Variants in SLC22A3 observed in about 807,000 individuals in gnomAD.
SLC22A3 encodes the protein EMT organic cation transporter 3.
SLC22A3 carries 51 observed loss-of-function variants against 59.1 expected under a neutral mutation model. The ratio of observed to expected loss-of-function variants is 0.86; its 90% CI spans 0.69 to 1.09. SLC22A3 has a LOEUF of 1.09. SLC22A3 is among the 50% of genes least tolerant of loss of function. The probability of loss-of-function intolerance (pLI) is 0.00; values close to 1 mark genes in which losing one functional copy is unlikely to be tolerated. For synonymous variants in SLC22A3, 325 were observed against 292.0 expected (o/e 1.11, Z -1.15); for missense variants, 711 against 726.3 (o/e 0.98, Z 0.24).
chr6:160,354,354 T>A (rs145592243), intron 1 of SLC22A3, among the ~76,000 whole-genome samples: 37 of 152,318 alleles, frequency 2.4e-4, no homozygotes, highest in Non-Finnish European at 3.4e-4. Flanking sequence ...TGACATATGC[T>A]TGCAAAGTGC....
At chr6:160,412,611 G>C (rs780169737) in intron 5 of SLC22A3, among the ~76,000 whole-genome samples, 2 of 152,170 alleles carry the variant, frequency 1.3e-5, no homozygotes, top group Non-Finnish European at 2.9e-5. Flanking sequence ...AAACCACTAT[G>C]ATTAGTCCAT....
At position 160,451,026 on chromosome 6, in the gene SLC22A3, G is replaced by GA. The variant is rs766429452; in HGVS notation, c.1645dup (p.Thr549AsnfsTer51). The GA allele has an allele frequency of 6.4e-5, 102 of 1,595,432 alleles. No individual in the cohort carries two copies. Among genetic ancestry groups the GA allele is most frequent in the Non-Finnish European group, 8.3e-5 (97 of 1,169,288 alleles). ...ATTCCTGTAAATGTGGCAGGAATAA[G>GA]AAAACCCCAGTTTCCCGCTCTCACC... On this transcript the variant is annotated frameshift_variant, in exon 11 of 11. Transcript: ENST00000275300. LOFTEE classifies it high-confidence loss of function.
intron 2 of SLC22A3, 126 bp from the exon 3 acceptor site, chr6:160,406,915 C>A (rs1158072200): frequency 8.6e-7 from 1 of 1,159,338 alleles, no homozygotes; most frequent in African/African-American, 1.6e-5. Context: ...TACAAAACAT[C>A]TTTAAAATAA....
At chr6:160,355,089 A>G (rs1784784821) in intron 1 of SLC22A3, among the ~76,000 whole-genome samples, 1 of 152,258 alleles carries the variant, frequency 6.6e-6, no homozygotes, top group Non-Finnish European at 1.5e-5. Flanking sequence ...TCATCTGCAC[A>G]GGAATATGGG....
intron 5 of SLC22A3, among the ~76,000 whole-genome samples, chr6:160,423,554 A>T (rs143222657): frequency 6.6e-6 from 1 of 152,102 alleles, no homozygotes; most frequent in Non-Finnish European, 1.5e-5. Flanking sequence ...GTATCTCATT[A>T]TGGTTTTGAT....
chr6:160,451,670 C>T lies in SLC22A3; in HGVS notation c.*614C>T, dbSNP rs1283530136. ...CAGGAGTCCCTCCCGTCCACCTCCT[C>T]TGTAACAGCTGGGGTTCCAGGCATG... On this transcript the variant is annotated 3_prime_UTR_variant, in exon 11 of 11. Coordinates refer to ENST00000275300, the MANE Select transcript of SLC22A3 (RefSeq NM_021977.4). The T allele has an allele frequency of 6.5e-6, 1 of 153,360 alleles. No homozygotes were observed. The highest frequency in any genetic ancestry group is 1.5e-5 in the Non-Finnish European group (1 of 68,758). The allele number at this position is 153,360 out of a possible 1,614,324, so 9.5% of individuals were successfully genotyped here. A position where few individuals can be genotyped will look rare whatever the true frequency, so the allele number is the denominator to read the frequency against.
At chr6:160,384,883 C>G (rs957360195) in intron 1 of SLC22A3, among the ~76,000 whole-genome samples, 1 of 152,220 alleles carries the variant, frequency 6.6e-6, no homozygotes, top group Non-Finnish European at 1.5e-5. Flanking sequence ...AGGCTCCGCA[C>G]AGTGGGCTTT....
rs1179735068 is a variant in SLC22A3, at chr6:160,348,617, C to T, written c.198C>T (p.Ser66=). The change falls in exon 1 of 11, where the codon AGC becomes AGT. Residue 66 remains serine, a synonymous_variant. Transcript: ENST00000275300. ...CGCTGGCCGAGCGCTGCGGCTGGAGCCCGGAGGAGGAGTGGAACCGCACGG... is the reference window on the plus strand; with the variant it reads ...CGCTGGCCGAGCGCTGCGGCTGGAGTCCGGAGGAGGAGTGGAACCGCACGG... ...AAALAERCGW[S]PEEEWNRTAP... is the part of the protein sequence containing the mutation. The T allele has an allele frequency of 2.0e-6, 3 of 1,504,824 alleles. No individual in the cohort carries two copies. The highest frequency in any genetic ancestry group is 5.5e-5 in the East Asian group (2 of 36,568). The allele number at this position is 1,504,824 out of a possible 1,614,324, so 93.2% of individuals were successfully genotyped here. A position where few individuals can be genotyped will look rare whatever the true frequency, so the allele number is the denominator to read the frequency against.
chr6:160,396,172 C>T (rs2114828744), intron 1 of SLC22A3, among the ~76,000 whole-genome samples: 1 of 152,220 alleles, frequency 6.6e-6, no homozygotes, highest in Non-Finnish European at 1.5e-5. Context: ...ATTAATCATG[C>T]CTCTCTCTCA....
chr6:160,402,416 A>C (rs1308418727), intron 2 of SLC22A3, among the ~76,000 whole-genome samples: 2 of 151,892 alleles, frequency 1.3e-5, no homozygotes, highest in Non-Finnish European at 2.9e-5. Flanking sequence ...TGGAATGAGA[A>C]ATAGATTAAT....
intron 4 of SLC22A3, among the ~76,000 whole-genome samples, chr6:160,410,233 T>C (rs1787190503): frequency 6.6e-6 from 1 of 152,044 alleles, no homozygotes; most frequent in Non-Finnish European, 1.5e-5. Flanking sequence ...GCCAAGCTGG[T>C]TGCAAACTCC....
At position 160,350,968 on chromosome 6, in the gene SLC22A3, G is replaced by A. The variant is rs1265789421; in HGVS notation, c.429+2120G>A. On this transcript the variant is annotated intron_variant, in intron 1 of 10. Coordinates refer to ENST00000275300, the MANE Select transcript of SLC22A3 (RefSeq NM_021977.4). ...TTCAGCCCGTTACAATGCTCCAAAT[G>A]CCATCAGGGTCACCACCTGGTTACT... Among the ~76,000 whole-genome samples the A allele has an allele frequency of 2.6e-5, 4 of 152,236 alleles. No individual in the cohort carries two copies. The South Asian group carries it at 6.2e-4, about 24-fold the overall frequency.
chr6:160,422,312 A>C (rs1375163819), intron 5 of SLC22A3, among the ~76,000 whole-genome samples: 7 of 152,246 alleles, frequency 4.6e-5, no homozygotes, highest in African/African-American at 1.4e-4. Context: ...ACACATTGTC[A>C]TTCAATCTCT....
chr6:160,439,386 A>G (rs1226795193), intron 7 of SLC22A3, among the ~76,000 whole-genome samples: 1 of 152,174 alleles, frequency 6.6e-6, no homozygotes, highest in Non-Finnish European at 1.5e-5. Flanking sequence ...GCAGCGAGAA[A>G]GATGCATGCT....
intron 1 of SLC22A3, among the ~76,000 whole-genome samples, chr6:160,366,376 T>C (rs1785205540): frequency 6.6e-6 from 1 of 152,192 alleles, no homozygotes; most frequent in Non-Finnish European, 1.5e-5. Flanking sequence ...ACATCCAGGT[T>C]ACACTGATGC....
At chr6:160,416,682 C>A (rs1253457463) in intron 5 of SLC22A3, among the ~76,000 whole-genome samples, 1 of 152,120 alleles carries the variant, frequency 6.6e-6, no homozygotes, top group Non-Finnish European at 1.5e-5. Flanking sequence ...TGAAATTTTT[C>A]TTTGGTATTA....
intron 5 of SLC22A3, among the ~76,000 whole-genome samples, chr6:160,420,312 A>G (rs1787675597): frequency 6.6e-6 from 1 of 152,250 alleles, no homozygotes; most frequent in South Asian, 2.1e-4. Context: ...AGCATTTTGC[A>G]CAAGGAACTA....
At chr6:160,409,015 CTTTTTTTTT>C (rs201294592) in intron 4 of SLC22A3, 94 bp downstream of exon 4, 1 of 560,642 alleles carries the variant, frequency 1.8e-6, no homozygotes, top group African/African-American at 2.3e-5. Flanking sequence ...AGAAAATTTT[CTTTTTTTTT>C]TTTTTTTTTA....
At chr6:160,348,936 C>T (rs1043471768) in intron 1 of SLC22A3, 88 bp downstream of exon 1, 3 of 1,531,280 alleles carry the variant, frequency 2.0e-6, no homozygotes, top group Non-Finnish European at 2.6e-6. Flanking sequence ...CGCTGGCCGC[C>T]AGGGGAGGTC....
Sources: gnomAD v4.1 joint callset for allele counts (sites outside exome capture counted in the v4.1 genomes callset) on GRCh38, gnomAD v4.1.1 for gene constraint, MANE v1.5 for transcripts, NCBI Gene and HGNC (gene_info 2026-07-23, HGNC 2026-07-21) for gene names.